ZIM2: variants seen among roughly 807,000 people sequenced by gnomAD.
The protein encoded by ZIM2 is zinc finger imprinted 2.
A neutral mutation model predicts 38.6 loss-of-function variants in ZIM2; 14 were observed. The ratio of observed to expected loss-of-function variants is 0.36; its 90% CI spans 0.24 to 0.57. The LOEUF (loss-of-function observed/expected upper bound fraction) is 0.57, where lower values mean the gene tolerates loss of function less well. Among genes scored for constraint, ZIM2 ranks in the 20% least tolerant of loss-of-function variants. The pLI is 0.81. For synonymous variants in ZIM2, 247 were observed against 245.8 expected (o/e 1.00, Z -0.04); for missense variants, 680 against 695.1 (o/e 0.98, Z 0.24).
intron 9 of ZIM2, chr19:56,817,378 T>A: frequency 6.2e-7 from 1 of 1,614,088 alleles, no homozygotes; most frequent in Non-Finnish European, 8.5e-7. Context: ...CTCCCTCTTG[T>A]TCAATGAAAT....
Position 56,814,550 on chromosome 19 carries a change from C to A in ZIM2, c.490+3196G>T, listed in dbSNP as rs775133507. 6.2e-7 allele frequency: 1 copy of A among 1,613,576 alleles called. No individual in the cohort carries two copies. The highest frequency in any genetic ancestry group is 1.3e-5 in the African/African-American group (1 of 74,882). Reference sequence around the variant, plus strand: ...TTCTTATGAACAGTTACGTGATCTGCAAGTTCTGCTGGGTTGACGAAAGAT... The same window carrying A: ...TTCTTATGAACAGTTACGTGATCTGAAAGTTCTGCTGGGTTGACGAAAGAT... On this transcript the variant is annotated intron_variant, in intron 9 of 12. Coordinates refer to ENST00000629319, the MANE Select transcript of ZIM2 (RefSeq NM_001387356.1). The surrounding 1 kb of genome is among the most constrained non-coding windows in gnomAD (Gnocchi z 5.8).
At chr19:56,790,253 C>T (rs1020875543) in intron 9 of ZIM2, among the ~76,000 whole-genome samples, 2 of 152,154 alleles carry the variant, frequency 1.3e-5, no homozygotes, top group African/African-American at 4.8e-5. Flanking sequence ...ACCACAGAAC[C>T]TCTGTTTCTC....
Position 56,775,601 on chromosome 19 carries a change from T to A in ZIM2, c.836-72A>T, listed in dbSNP as rs2045957478. On this transcript the variant is annotated intron_variant, in intron 12 of 12. Transcript: ENST00000629319. ...CTGCCCCCCAATAATGATATTTCTA[T>A]AGGCAGGCTTTGCCCTGGAGTTAGT... The A allele has an allele frequency of 2.0e-6, 3 of 1,515,070 alleles. No homozygotes were observed. The African/African-American group carries it at 4.2e-5, about 21-fold the overall frequency. The allele number at this position is 1,515,070 out of a possible 1,614,324, so 93.9% of individuals were successfully genotyped here.
intron 9 of ZIM2, chr19:56,813,833 T>C (rs1171107326): frequency 3.7e-6 from 6 of 1,614,206 alleles, no homozygotes; most frequent in East Asian, 2.2e-5. Context: ...CCAAAGGCAT[T>C]TGCAGGCTCA....
chr19:56,811,688 A>G, intron 9 of ZIM2: 1 of 985,442 alleles, frequency 1.0e-6, no homozygotes, highest in Non-Finnish European at 1.2e-6. Flanking sequence ...TCCTTTTCCC[A>G]TGTAGTAAAC....
At chr19:56,833,022 GAAGATCCATGGCTTTAATC>G in intron 2 of ZIM2, 1 of 374,884 alleles carries the variant, frequency 2.7e-6, no homozygotes, top group Non-Finnish European at 5.3e-6. Flanking sequence ...AGAAGTCAGG[GAAGATCCATGGCTTTAATC>G]AGAGAAATGA....
intron 9 of ZIM2, chr19:56,815,891 C>T: frequency 6.2e-7 from 1 of 1,613,114 alleles, no homozygotes; most frequent in Non-Finnish European, 8.5e-7. Context: ...TCCACCAATT[C>T]ATTTCCATTG....
At chr19:56,818,267 A>C (rs2060165134) in intron 8 of ZIM2, among the ~76,000 whole-genome samples, 1 of 152,174 alleles carries the variant, frequency 6.6e-6, no homozygotes, top group Non-Finnish European at 1.5e-5. Flanking sequence ...TCTTCCAGGA[A>C]AGTCCACATG....
intron 2 of ZIM2, among the ~76,000 whole-genome samples, chr19:56,831,974 A>G (rs1014242411): frequency 6.6e-6 from 1 of 152,218 alleles, no homozygotes; most frequent in Non-Finnish European, 1.5e-5. Flanking sequence ...AATAAATGGC[A>G]TGATCTCATG....
In ZIM2 at chr19:56,821,692, C is replaced by T. The variant is rs142391687; in HGVS notation, c.253G>A (p.Glu85Lys). ...VAKTSFEMDR[E>K]DDRDSRAYES... The stretch of plus-strand genomic sequence containing the variant: ...TAAGCCCTGGAGTCCCTGTCGTCCT[C>T]TCTGTCCATTTCAAAGCTTGTTTTC... Residue 85 changes from glutamate (E) to lysine (K), a missense_variant, in exon 7 of 13, where the codon GAG becomes AAG. Physicochemically the swap from Glu to Lys is moderately conservative, Grantham distance 56 (BLOSUM62 1). Coordinates refer to ENST00000629319, the MANE Select transcript of ZIM2 (RefSeq NM_001387356.1). The T allele has an allele frequency of 5.7e-3, 9,138 of 1,614,082 alleles. 63 individuals carry two copies. The highest frequency in any genetic ancestry group is 0.019 in the South Asian group (1,746 of 91,076).
chr19:56,801,559 G>T (rs936988003), intron 9 of ZIM2, among the ~76,000 whole-genome samples: 1 of 152,162 alleles, frequency 6.6e-6, no homozygotes, highest in African/African-American at 2.4e-5. Context: ...ATCCTGAGGG[G>T]TTTCAAAACC....
chr19:56,789,767 A>G, intron 10 of ZIM2, 105 bp downstream of exon 10: 1 of 1,015,900 alleles, frequency 9.8e-7, no homozygotes, highest in East Asian at 3.0e-5. Context: ...TTATATAAAA[A>G]CTTAATGGAA....
chr19:56,840,239 T>C (rs1481768819), intron 1 of ZIM2, among the ~76,000 whole-genome samples: 1 of 152,134 alleles, frequency 6.6e-6, no homozygotes, highest in Admixed American at 6.5e-5. Context: ...ATGCCCCCGG[T>C]TTGCTGCGGT....
chr19:56,774,776 C>A lies in ZIM2; in HGVS notation c.1589G>T (p.Cys530Phe). Reference protein sequence around the residue: ...TQERPYQCQLCGKCFGRPSYL... With the variant: ...TQERPYQCQLFGKCFGRPSYL... ...TGAGGGTCGGCCGAAACATTTCCCA[C>A]ATAGCTGACACTGGTAAGGCCTCTC... Residue 530 changes from cysteine (C) to phenylalanine (F), a missense_variant, in exon 13 of 13, where the codon TGT (cysteine) becomes TTT (phenylalanine). Transcript: ENST00000629319. 2 of 1,614,204 alleles carry A rather than the reference C, an allele frequency of 1.2e-6. No homozygotes were observed. The highest frequency in any genetic ancestry group is 1.7e-6 in the Non-Finnish European group (2 of 1,180,042).
intron 9 of ZIM2, among the ~76,000 whole-genome samples, chr19:56,807,880 G>A (rs554603563): frequency 6.6e-6 from 1 of 152,178 alleles, no homozygotes; most frequent in Non-Finnish European, 1.5e-5. Context: ...TTAATTTAAG[G>A]GGGAAACTGG....
chr19:56,798,583 AG>A (rs2047343583), intron 9 of ZIM2: 1 of 152,272 alleles, frequency 6.6e-6, no homozygotes, highest in South Asian at 2.1e-4. Context: ...TGCCAAAAGC[AG>A]TAGCAACAAA....
chr19:56,784,663 T>C (rs2046503273), intron 10 of ZIM2, among the ~76,000 whole-genome samples: 2 of 152,194 alleles, frequency 1.3e-5, no homozygotes, highest in African/African-American at 4.8e-5. Context: ...AAACCTACAC[T>C]GGAATAAGGA....
chr19:56,825,948 TTCCCTCC>T (rs2060985734), intron 3 of ZIM2, among the ~76,000 whole-genome samples: 2 of 152,136 alleles, frequency 1.3e-5, no homozygotes, highest in African/African-American at 4.8e-5. Flanking sequence ...GGGCTCCCAC[TTCCCTCC>T]CTATGCAAAC....
At chr19:56,819,375 A>T (rs553246138) in intron 7 of ZIM2, among the ~76,000 whole-genome samples, 116 of 152,280 alleles carry the variant, frequency 7.6e-4, no homozygotes, top group South Asian at 3.3e-3. Flanking sequence ...GTCTTAATGG[A>T]TATTTACCTA....
Sources: allele counts gnomAD v4.1 joint callset (sites outside exome capture counted in the v4.1 genomes callset), GRCh38; gene constraint gnomAD v4.1.1; non-coding constraint Gnocchi (gnomAD v3.1); transcripts MANE v1.5; gene names NCBI Gene and HGNC (gene_info 2026-07-23, HGNC 2026-07-21).